Variants in ZNF737 observed in about 807,000 individuals in gnomAD.
ZNF737 encodes the protein zinc finger protein 737.
ZNF737 carries 13 observed loss-of-function variants against 11.7 expected under a neutral mutation model. The observed-to-expected ratio is 1.11, with a 90% CI of 0.73 to 1.77. The LOEUF is 1.77. Ranked by LOEUF, ZNF737 falls within the 40% of genes most tolerant of loss-of-function variation. The pLI is 0.00. For missense variants in ZNF737, 636 were observed against 638.0 expected (o/e 1.00, Z 0.03); for synonymous variants, 217 against 216.2 (o/e 1.00, Z -0.03).
chr19:20,559,207 T>C (rs1968994605), intron 1 of ZNF737, among the ~76,000 whole-genome samples: 1 of 152,070 alleles, frequency 6.6e-6, no homozygotes, highest in Admixed American at 6.5e-5. Context: ...AAGCGCTTCT[T>C]CACAGCAAAG....
intron 1 of ZNF737, among the ~76,000 whole-genome samples, chr19:20,561,265 G>C (rs1555762366): frequency 6.6e-6 from 1 of 152,144 alleles, no homozygotes; most frequent in African/African-American, 2.4e-5. Context: ...GTCTGGGGGT[G>C]GGGATACGCC....
chr19:20,545,805 A>G lies in ZNF737; in HGVS notation c.398T>C (p.Leu133Pro). ...CKVHKRGYNG[L>P]NQYLTTTQSK... ...TTGAGTAGTTGTCAAATATTGGTTA[A>G]GTCCATTATAACCTCTTTTGTGCAC... is the stretch of plus-strand genomic sequence containing the variant. Residue 133 changes from leucine to proline, a missense_variant, in exon 4 of 4, where the codon CTT becomes CCT. By Grantham distance (98) the Leu-to-Pro change is moderately conservative. Transcript: ENST00000427401. 1 of 1,613,304 alleles carries G rather than the reference A, an allele frequency of 6.2e-7. No homozygotes were observed. The highest frequency in any genetic ancestry group is 2.2e-5 in the East Asian group (1 of 44,858).
At chr19:20,558,937 G>T (rs1968986094) in intron 1 of ZNF737, among the ~76,000 whole-genome samples, 1 of 152,204 alleles carries the variant, frequency 6.6e-6, no homozygotes, top group Non-Finnish European at 1.5e-5. Context: ...AATGTGGGAA[G>T]AATTCTCTCT....
Position 20,540,990 on chromosome 19 carries a change from T to C in ZNF737, c.*3602A>G. On this transcript the variant is annotated 3_prime_UTR_variant, in exon 4 of 4. Transcript: ENST00000427401. Reference sequence around the variant, plus strand: ...CATTCAAATAAGTGTTAAAAATGATTTTTTTTTCCTGTTTTAAGAGGGCTT... The same window carrying C: ...CATTCAAATAAGTGTTAAAAATGATCTTTTTTTCCTGTTTTAAGAGGGCTT... 1.0e-6 allele frequency: 1 copy of C among 984,420 alleles called. No individual in the cohort carries two copies. Among genetic ancestry groups the C allele is most frequent in the Non-Finnish European group, 1.2e-6 (1 of 829,336 alleles). 61.0% of individuals were successfully genotyped at this position (984,420 alleles called of 1,614,324 possible).
At chr19:20,556,336 G>A (rs142542799) in intron 1 of ZNF737, among the ~76,000 whole-genome samples, 4,174 of 152,214 alleles carry the variant, frequency 0.027, 90 homozygotes, top group Non-Finnish European at 0.042. Flanking sequence ...GCTGTGGGGA[G>A]GGCACAAGAG....
chr19:20,536,017 G>A, downstream of ZNF737: 1 of 914,792 alleles, frequency 1.1e-6, no homozygotes, highest in Non-Finnish European at 1.3e-6. Context: ...TTCAGCCAAT[G>A]GATGAAAAAA....
downstream of ZNF737, among the ~76,000 whole-genome samples, chr19:20,536,376 C>T (rs376697523): frequency 2.0e-5 from 3 of 152,134 alleles, no homozygotes; most frequent in South Asian, 2.1e-4. Context: ...ACATCAAATG[C>T]TAATTTTTAT....
intron 1 of ZNF737, among the ~76,000 whole-genome samples, chr19:20,559,995 T>C (rs1217262288): frequency 1.7e-4 from 25 of 150,848 alleles, no homozygotes; most frequent in Non-Finnish European, 3.4e-4. Flanking sequence ...TGAAACCCCG[T>C]CTCTACTAAA....
intron 1 of ZNF737, among the ~76,000 whole-genome samples, chr19:20,559,590 A>T (rs1969008344): frequency 1.3e-5 from 2 of 152,216 alleles, no homozygotes; most frequent in South Asian, 4.1e-4. Flanking sequence ...AAGTCAAAAA[A>T]TAATAGATGC....
At position 20,539,580 on chromosome 19, in the gene ZNF737, A is replaced by G. The variant is rs760447393; in HGVS notation, c.*5012T>C. On this transcript the variant is annotated 3_prime_UTR_variant, in exon 4 of 4. Transcript: ENST00000427401. Reference sequence around the variant, plus strand: ...TGTGAATCTAAAAGAAACTATCTACATAACTAATCATGGATTCAAAAAATA... The same window carrying G: ...TGTGAATCTAAAAGAAACTATCTACGTAACTAATCATGGATTCAAAAAATA... 2.0e-6 allele frequency: 2 copies of G among 979,596 alleles called. No individual in the cohort carries two copies. Among genetic ancestry groups the G allele is most frequent in the Non-Finnish European group, 2.4e-6 (2 of 824,628 alleles). 60.7% of individuals were successfully genotyped at this position (979,596 alleles called of 1,614,324 possible).
downstream of ZNF737, chr19:20,536,011 G>T: frequency 1.1e-6 from 1 of 873,530 alleles, no homozygotes; most frequent in Non-Finnish European, 1.4e-6. Context: ...CTGTTCTTCA[G>T]CCAATGGATG....
At position 20,565,637 on chromosome 19, in the gene ZNF737, C is replaced by G. The variant is rs1555763621; in HGVS notation, c.3+1G>C. ...TCGGGATGTCGGACCGGCACTCTCA[C>G]CATTTCTAGGCTTCCAGGGGCTCCC... is the stretch of plus-strand genomic sequence containing the variant. On this transcript the variant is annotated splice_donor_variant, in intron 1 of 3. Coordinates refer to ENST00000427401, the MANE Select transcript of ZNF737 (RefSeq NM_001159293.2). LOFTEE classifies it high-confidence loss of function. 2 of 1,614,198 alleles carry G rather than the reference C, an allele frequency of 1.2e-6. No individual in the cohort carries two copies. The highest frequency in any genetic ancestry group is 3.3e-5 in the Admixed American group (2 of 60,028).
rs1222659129 is a variant in ZNF737 at position 20,541,479 on chromosome 19, C to T, written c.*3113G>A. The T allele has an allele frequency of 2.6e-6, 2 of 781,832 alleles. No individual in the cohort carries two copies. Among genetic ancestry groups the T allele is most frequent in the Non-Finnish European group, 3.1e-6 (2 of 655,382 alleles). The allele number at this position is 781,832 out of a possible 1,614,324, so 48.4% of individuals were successfully genotyped here. On this transcript the variant is annotated 3_prime_UTR_variant, in exon 4 of 4. Transcript: ENST00000427401. The stretch of plus-strand genomic sequence containing the variant: ...TTTTATTTTTTGAGATGGAGACTCA[C>T]TCTGTCAGCCAGGCTGGAGTGCAGT...
At chr19:20,557,499 A>AG (rs1179868903) in intron 1 of ZNF737, among the ~76,000 whole-genome samples, 1 of 151,998 alleles carries the variant, frequency 6.6e-6, no homozygotes, top group Non-Finnish European at 1.5e-5. Context: ...AAAAAAAAAA[A>AG]AAGAAAACTT....
At position 20,544,444 on chromosome 19, in the gene ZNF737, A is replaced by G. The variant is rs544927676; in HGVS notation, c.*148T>C. The G allele has an allele frequency of 6.4e-5, 95 of 1,475,686 alleles. No homozygotes were observed. The highest frequency in any genetic ancestry group is 4.3e-4 in the Middle Eastern group (2 of 4,620). 91.4% of individuals were successfully genotyped at this position (1,475,686 alleles called of 1,614,324 possible). On this transcript the variant is annotated 3_prime_UTR_variant, in exon 4 of 4. Coordinates refer to ENST00000427401, the MANE Select transcript of ZNF737 (RefSeq NM_001159293.2). ...CTTATTTGTTGGGTTTCTTTCCCGC[A>G]TGAATTATCTAATGTCTACTAAGGT...
At position 20,553,610 on chromosome 19, in the gene ZNF737, ACT is replaced by A. The variant is rs1968776677; in HGVS notation, c.130+97_130+98del. ...ATTTTCTTGAAAAAGTGGATCTGAA[ACT>A]CTTTTATAAAAGAATAAATTACTAA... On this transcript the variant is annotated intron_variant, in intron 2 of 3. Transcript: ENST00000427401. 4 of 1,261,262 alleles carry A rather than the reference ACT, an allele frequency of 3.2e-6. No homozygotes were observed. The South Asian group carries it at 5.7e-5, about 18-fold the overall frequency. 78.1% of individuals were successfully genotyped at this position (1,261,262 alleles called of 1,614,324 possible).
Position 20,542,119 on chromosome 19 carries a change from C to T in ZNF737, c.*2473G>A. On this transcript the variant is annotated 3_prime_UTR_variant, in exon 4 of 4. Coordinates refer to ENST00000427401, the MANE Select transcript of ZNF737 (RefSeq NM_001159293.2). ...GTATATTCCTACAATATTGTACCTA[C>T]ACCCTTGAGTAAAGTGGGATACAGT... is the stretch of plus-strand genomic sequence containing the variant. 1 of 985,206 alleles carries T rather than the reference C, an allele frequency of 1.0e-6. No individual in the cohort carries two copies. 61.0% of individuals were successfully genotyped at this position (985,206 alleles called of 1,614,324 possible).
intron 3 of ZNF737, chr19:20,550,935 C>T (rs1555758171): frequency 2.0e-5 from 3 of 152,272 alleles, no homozygotes; most frequent in Non-Finnish European, 4.4e-5. Flanking sequence ...TCTGAACTTA[C>T]TCTGTAACCA....
At chr19:20,559,980 C>A (rs532752765) in intron 1 of ZNF737, among the ~76,000 whole-genome samples, 10 of 151,504 alleles carry the variant, frequency 6.6e-5, no homozygotes, top group African/African-American at 1.2e-4. Flanking sequence ...TCCTGGCTAA[C>A]AAGGTGAAAC....
Sources: gnomAD v4.1 joint callset for allele counts (sites outside exome capture counted in the v4.1 genomes callset) on GRCh38, gnomAD v4.1.1 for gene constraint, MANE v1.5 for transcripts, NCBI Gene and HGNC (gene_info 2026-07-23, HGNC 2026-07-21) for gene names.